The following GLT1D1 variants were observed in gnomAD, a reference collection of about 807,000 sequenced individuals.
GLT1D1 encodes glycosyltransferase 1 domain-containing protein 1.
A neutral mutation model predicts 28.7 loss-of-function variants in GLT1D1; 21 were observed. The observed-to-expected ratio is 0.73, with a 90% CI of 0.52 to 1.05. GLT1D1 has a LOEUF of 1.05. GLT1D1 is among the 50% of genes least tolerant of loss of function. The pLI is 0.00. For missense variants in GLT1D1, 343 were observed against 330.6 expected, an observed-to-expected ratio of 1.04 and a Z score of -0.29; for synonymous variants, 147 against 124.8, an observed-to-expected ratio of 1.18 and a Z score of -1.19.
intron 7 of GLT1D1, among the ~76,000 whole-genome samples, chr12:128,960,390 T>G (rs1877813581): frequency 1.3e-5 from 2 of 152,238 alleles, no homozygotes; most frequent in African/African-American, 4.8e-5. Flanking sequence ...TCAGGGACTA[T>G]GGTTCTATGA....
chr12:128,944,820 A>AT, intron 4 of GLT1D1: 4 of 242,970 alleles, frequency 1.6e-5, no homozygotes, highest in Non-Finnish European at 2.4e-5. Flanking sequence ...ATATATATAT[A>AT]AAGTTCTGGG....
intron 1 of GLT1D1, among the ~76,000 whole-genome samples, chr12:128,865,520 A>C (rs1956491065): frequency 6.6e-6 from 1 of 152,138 alleles, no homozygotes; most frequent in African/African-American, 2.4e-5. Flanking sequence ...TAAAAAATAT[A>C]TAGAAATAAA....
chr12:128,907,303 CTTTTTTT>C (rs11341281), intron 4 of GLT1D1, among the ~76,000 whole-genome samples: 2 of 115,716 alleles, frequency 1.7e-5, no homozygotes, highest in Non-Finnish European at 3.6e-5. Context: ...GGAAGCTAAT[CTTTTTTT>C]TTTTTTTTTT....
At chr12:128,947,254 C>T (rs1342758735) in intron 5 of GLT1D1, 84 bp from the exon 10 acceptor site, 1 of 1,521,966 alleles carries the variant, frequency 6.6e-7, no homozygotes, top group East Asian at 2.3e-5. Context: ...GAGTATTACA[C>T]CCAAATTGTC....
chr12:128,905,374 G>GT (rs1476638634), intron 4 of GLT1D1, among the ~76,000 whole-genome samples: 2 of 152,226 alleles, frequency 1.3e-5, no homozygotes, highest in African/African-American at 4.8e-5. Context: ...GGGCAGCTCT[G>GT]TTTCAGGATT....
rs540319711 is a variant in GLT1D1 at position 128,899,470 on chromosome 12, A to T, written c.375+183A>T. Among the ~76,000 whole-genome samples, 53 of 151,200 alleles carry T rather than the reference A, an allele frequency of 3.5e-4. 3 individuals carry two copies. In the South Asian group the frequency reaches 0.011, roughly 31 times the overall value. ...TGTAGATGCACCTAAAACGTCCCTG[A>T]TATTTTTTGATGTTGTTATTGAATG... On this transcript the variant is annotated intron_variant, in intron 4 of 7. Transcript: ENST00000281703.
intron 4 of GLT1D1, among the ~76,000 whole-genome samples, chr12:128,909,974 G>A (rs780198906): frequency 3.3e-5 from 5 of 152,256 alleles, no homozygotes; most frequent in African/African-American, 7.2e-5. Context: ...ATTTGTATTT[G>A]TTACACTTTC....
At chr12:128,856,244 C>T (rs774039399) in intron 1 of GLT1D1, among the ~76,000 whole-genome samples, 13 of 152,082 alleles carry the variant, frequency 8.5e-5, no homozygotes, top group Non-Finnish European at 1.5e-4. Context: ...TGGTTTTGGT[C>T]GGTCTTGGCT....
Position 128,888,675 on chromosome 12 carries a change from C to T in GLT1D1, c.254C>T (p.Thr85Ile). The change falls in exon 3 of 8, where the codon ACT becomes ATT. Residue 85 changes from threonine to isoleucine, a missense_variant. Transcript: ENST00000281703. ...CCTTTTGGAGTCATCTTTGGTGGAA[C>T]TGATGTAAATGAAGATGCCAACCAG... The T allele has an allele frequency of 6.2e-7, 1 of 1,613,720 alleles. No homozygotes were observed. The highest frequency in any genetic ancestry group is 8.5e-7 in the Non-Finnish European group (1 of 1,179,750).
At chr12:128,970,707 T>G (rs1316145828) in intron 7 of GLT1D1, among the ~76,000 whole-genome samples, 1 of 152,236 alleles carries the variant, frequency 6.6e-6, no homozygotes, top group Non-Finnish European at 1.5e-5. Context: ...CCTCCTCAAA[T>G]GTTTCTTGGT....
rs1484310720 is a variant in GLT1D1, at chr12:128,912,466, A to G, written c.375+13179A>G. The G allele has an allele frequency of 6.7e-7, 1 of 1,487,796 alleles. No individual in the cohort carries two copies. The highest frequency in any genetic ancestry group is 2.5e-5 in the East Asian group (1 of 40,566). The allele number at this position is 1,487,796 out of a possible 1,614,324, so 92.2% of individuals were successfully genotyped here. ...GGTCTATGTCCAGAGTCAAGGTAAG[A>G]TTTTTAAAATATTTATTTACTTATG... is the stretch of plus-strand genomic sequence containing the variant. On this transcript the variant is annotated intron_variant, in intron 4 of 7. Transcript: ENST00000281703.
intron 4 of GLT1D1, chr12:128,944,159 T>C (rs1875717596): frequency 5.8e-6 from 2 of 345,112 alleles, no homozygotes; most frequent in African/African-American, 4.3e-5. Context: ...AAAAGTCATA[T>C]AATTTTCAAA....
intron 4 of GLT1D1, among the ~76,000 whole-genome samples, chr12:128,925,279 A>G (rs901650490): frequency 3.3e-5 from 5 of 152,148 alleles, no homozygotes; most frequent in East Asian, 3.9e-4. Context: ...AGATTATCCA[A>G]TCACTTAGGT....
At chr12:128,908,607 G>A (rs911075205) in intron 4 of GLT1D1, among the ~76,000 whole-genome samples, 1 of 150,830 alleles carries the variant, frequency 6.6e-6, no homozygotes, top group African/African-American at 2.4e-5. Flanking sequence ...GCTGGGCTCT[G>A]TATGGTGGCT....
chr12:128,925,610 G>A (rs1234750681), intron 4 of GLT1D1, among the ~76,000 whole-genome samples: 1 of 152,094 alleles, frequency 6.6e-6, no homozygotes, highest in African/African-American at 2.4e-5. Context: ...GTTGATTCCA[G>A]GACATGCATT....
intron 4 of GLT1D1, among the ~76,000 whole-genome samples, chr12:128,928,120 A>G (rs1169594223): frequency 6.6e-6 from 1 of 152,060 alleles, no homozygotes; most frequent in Non-Finnish European, 1.5e-5. Flanking sequence ...AATTTGGTGC[A>G]TAAGGCAAAT....
At chr12:128,932,942 C>T (rs912964537) in intron 4 of GLT1D1, among the ~76,000 whole-genome samples, 4 of 152,178 alleles carry the variant, frequency 2.6e-5, no homozygotes, top group South Asian at 2.1e-4. Context: ...TAAGGTCTCG[C>T]GGAGTCTAAG....
At chr12:128,912,429 T>C (rs759783812) in intron 4 of GLT1D1, 64 of 1,526,312 alleles carry the variant, frequency 4.2e-5, no homozygotes, top group Non-Finnish European at 5.4e-5. Context: ...AAAAGCCGCA[T>C]GCTAAGGGTA....
chr12:128,926,193 CAATAATAATAATAATAAT>C (rs34967915), intron 4 of GLT1D1, among the ~76,000 whole-genome samples, 148 bp from the exon 7 acceptor site: 18 of 132,950 alleles, frequency 1.4e-4, no homozygotes, highest in South Asian at 2.6e-4. Context: ...GACTCTGTCT[CAATAATAATAATAATAAT>C]AATAATAATA....
Sources: gnomAD v4.1 joint callset for allele counts (sites outside exome capture counted in the v4.1 genomes callset) on GRCh38, gnomAD v4.1.1 for gene constraint, MANE v1.5 for transcripts, NCBI Gene and HGNC (gene_info 2026-07-23, HGNC 2026-07-21) for gene names.